The following MRTFB variants were observed in gnomAD, a reference collection of about 807,000 sequenced individuals.
MRTFB encodes the protein myocardin related transcription factor B, also known as myocardin-related transcription factor B.
MRTFB carries 29 observed loss-of-function variants against 104.2 expected under a neutral mutation model. The ratio of observed to expected loss-of-function variants is 0.28; its 90% CI spans 0.21 to 0.38. MRTFB has a LOEUF of 0.38. MRTFB is among the 10% of genes least tolerant of loss of function. The pLI is 1.00. For missense variants in MRTFB, 1,270 were observed against 1,341.6 expected, an observed-to-expected ratio of 0.95 and a Z score of 0.83; for synonymous variants, 535 against 519.5, an observed-to-expected ratio of 1.03 and a Z score of -0.41.
intron 2 of MRTFB, among the ~76,000 whole-genome samples, chr16:14,116,279 C>G (rs965082088): frequency 2.0e-5 from 3 of 152,056 alleles, no homozygotes; most frequent in Admixed American, 2.0e-4. Flanking sequence ...CGTCCCTTTT[C>G]TAACTCATCT....
At chr16:14,101,095 A>G (rs1248327778) in intron 2 of MRTFB, among the ~76,000 whole-genome samples, 1 of 100,358 alleles carries the variant, frequency 1.0e-5, no homozygotes, top group Non-Finnish European at 2.2e-5. Flanking sequence ...TTTTCTGCTT[A>G]CTCTCTCTGT....
the MRTFB span, among the ~76,000 whole-genome samples, chr16:14,061,924 C>T: frequency 2.0e-5 from 3 of 152,208 alleles, no homozygotes; most frequent in African/African-American, 7.2e-5. Flanking sequence ...TCCCTTCCTC[C>T]CTGTACCAGT....
chr16:14,163,077 C>T (rs2039101523), intron 3 of MRTFB, among the ~76,000 whole-genome samples: 1 of 152,158 alleles, frequency 6.6e-6, no homozygotes, highest in African/African-American at 2.4e-5. Flanking sequence ...TTCAGAATTA[C>T]ACCACCAACA....
chr16:14,121,402 CTTT>C (rs1401729686), intron 2 of MRTFB, among the ~76,000 whole-genome samples: 1 of 152,082 alleles, frequency 6.6e-6, no homozygotes, highest in Admixed American at 6.6e-5. Context: ...GTAACATGAC[CTTT>C]TTTTCTGTTT....
intron 2 of MRTFB, among the ~76,000 whole-genome samples, chr16:14,138,165 A>G (rs78464551): frequency 1.3e-4 from 20 of 152,298 alleles, no homozygotes; most frequent in African/African-American, 3.6e-4. Context: ...CTTTTATGCT[A>G]TAGTTGTCAT....
At chr16:14,049,199 T>C in the MRTFB span, among the ~76,000 whole-genome samples, 4,698 of 152,322 alleles carry the variant, frequency 0.031, 240 homozygotes, top group African/African-American at 0.11. Context: ...CCAATAGTGC[T>C]GAGGTTGAGA....
chr16:14,213,059 A>G (rs1470947847), intron 5 of MRTFB, among the ~76,000 whole-genome samples: 1 of 152,234 alleles, frequency 6.6e-6, no homozygotes, highest in Non-Finnish European at 1.5e-5. Flanking sequence ...GATTTCTTAC[A>G]GTCTTATAAA....
the MRTFB span, among the ~76,000 whole-genome samples, chr16:14,039,497 G>T: frequency 3.6e-4 from 54 of 152,096 alleles, no homozygotes; most frequent in Admixed American, 7.9e-4. Context: ...GGCCATCTCA[G>T]GCTGGTACAC....
chr16:14,197,369 T>C (rs1368148198), intron 3 of MRTFB, among the ~76,000 whole-genome samples: 6 of 152,156 alleles, frequency 3.9e-5, no homozygotes, highest in Non-Finnish European at 8.8e-5. Context: ...TTTTTACTCA[T>C]AGCCCCTCCT....
intron 2 of MRTFB, among the ~76,000 whole-genome samples, chr16:14,129,961 T>G (rs1455867959): frequency 5.9e-5 from 9 of 152,158 alleles, no homozygotes; most frequent in African/African-American, 2.2e-4. Context: ...CCTGAGTAGC[T>G]GGGAACACAG....
At chr16:14,120,033 A>T (rs1306421438) in intron 2 of MRTFB, among the ~76,000 whole-genome samples, 1 of 152,212 alleles carries the variant, frequency 6.6e-6, no homozygotes, top group Admixed American at 6.5e-5. Context: ...CCAATGTGAA[A>T]TAGTACATTT....
Position 14,234,269 on chromosome 16 carries a change from C to G in MRTFB, c.817C>G (p.Pro273Ala). The G allele has an allele frequency of 6.2e-7, 1 of 1,614,078 alleles. No homozygotes were observed. The highest frequency in any genetic ancestry group is 8.5e-7 in the Non-Finnish European group (1 of 1,179,988). ...CACTGTGTCCTCAGCAAAGCCTGGC[C>G]CAGCACTGGTGAAGGTGGGTACTTT... ...TNTVSSAKPG[P>A]ALVKQSHPKN... Residue 273 changes from proline (P) to alanine (A), a missense_variant, in exon 9 of 17, where the codon CCA (proline) becomes GCA (alanine). Physicochemically the swap from Pro to Ala is conservative, Grantham distance 27. Coordinates refer to ENST00000571589, the MANE Select transcript of MRTFB (RefSeq NM_001308142.2).
chr16:14,027,611 A>G, the MRTFB span, among the ~76,000 whole-genome samples: 6 of 152,198 alleles, frequency 3.9e-5, no homozygotes, highest in African/African-American at 1.4e-4. Flanking sequence ...GGTTTTGAAA[A>G]GTGACTGTGA....
chr16:14,072,880 T>C (rs1178906795), intron 1 of MRTFB, among the ~76,000 whole-genome samples: 1 of 152,222 alleles, frequency 6.6e-6, no homozygotes, highest in East Asian at 1.9e-4. Flanking sequence ...AACTATATTG[T>C]AGAATTTTTT....
chr16:14,070,997 T>G (rs577018167), upstream of MRTFB, among the ~76,000 whole-genome samples: 8 of 152,128 alleles, frequency 5.3e-5, no homozygotes, highest in South Asian at 1.7e-3. Context: ...TCAGGACGGG[T>G]GGCAGCGGTC....
chr16:14,225,777 C>T (rs1189899106), intron 8 of MRTFB, among the ~76,000 whole-genome samples: 3 of 152,190 alleles, frequency 2.0e-5, no homozygotes, highest in Non-Finnish European at 2.9e-5. Flanking sequence ...AGTCTGCCCA[C>T]CTCAGCCTCC....
chr16:14,235,409 C>T (rs142392401), intron 9 of MRTFB, among the ~76,000 whole-genome samples: 1,724 of 152,256 alleles, frequency 0.011, 35 homozygotes, highest in African/African-American at 0.038. Flanking sequence ...CATGCAACCC[C>T]GACGGCACAG....
the MRTFB span, among the ~76,000 whole-genome samples, chr16:14,013,738 G>T: frequency 6.6e-6 from 1 of 152,132 alleles, no homozygotes; most frequent in Non-Finnish European, 1.5e-5. Context: ...TTGAATCAGG[G>T]GCAAAGAGCA....
upstream of MRTFB, among the ~76,000 whole-genome samples, chr16:14,068,571 G>T (rs1156268483): frequency 6.6e-6 from 1 of 152,120 alleles, no homozygotes; most frequent in Non-Finnish European, 1.5e-5. Flanking sequence ...GTTGTTGTGT[G>T]TCGTTGCGTG....
Sources: allele counts gnomAD v4.1 joint callset (sites outside exome capture counted in the v4.1 genomes callset), GRCh38; gene constraint gnomAD v4.1.1; transcripts MANE v1.5; gene names NCBI Gene and HGNC (gene_info 2026-07-23, HGNC 2026-07-21).